MYEF2: variants seen among roughly 807,000 people sequenced by gnomAD.
MYEF2 encodes the protein myelin gene expression factor 2.
A neutral mutation model predicts 75.2 loss-of-function variants in MYEF2; 37 were observed. That is an observed-to-expected ratio of 0.49 (90% CI 0.38 to 0.65). The LOEUF (loss-of-function observed/expected upper bound fraction) is 0.65, where lower values mean the gene tolerates loss of function less well. Among genes scored for constraint, MYEF2 ranks in the 30% least tolerant of loss-of-function variants. The pLI, the probability that MYEF2 is intolerant of heterozygous loss-of-function variation, is 0.00. For synonymous variants in MYEF2, 195 were observed against 241.6 expected (o/e 0.81, Z 1.79); for missense variants, 634 against 771.4 (o/e 0.82, Z 2.11).
rs1039209584 is a variant in MYEF2 at position 48,152,089 on chromosome 15, G to T, written c.1138+145C>A. On this transcript the variant is annotated intron_variant, in intron 11 of 16. Transcript: ENST00000324324. Reference sequence around the variant, plus strand: ...TAACACATCACCTTCCTTTAAGTATGTACCAGGCTCAATTTCTGCTAGCAG... The same window carrying T: ...TAACACATCACCTTCCTTTAAGTATTTACCAGGCTCAATTTCTGCTAGCAG... The T allele has an allele frequency of 2.4e-5, 27 of 1,142,326 alleles. No individual in the cohort carries two copies. In the African/African-American group the frequency reaches 4.0e-4, roughly 17 times the overall value. 70.8% of individuals were successfully genotyped at this position (1,142,326 alleles called of 1,614,324 possible). A position where few individuals can be genotyped will look rare whatever the true frequency, so the allele number is the denominator to read the frequency against.
Position 48,139,038 on chromosome 15 carries a change from T to C in MYEF2, c.*3870A>G, listed in dbSNP as rs2038974054. The C allele has an allele frequency of 1.9e-6, 3 of 1,613,150 alleles. No homozygotes were observed. Among genetic ancestry groups the C allele is most frequent in the Non-Finnish European group, 2.5e-6 (3 of 1,179,324 alleles). On this transcript the variant is annotated 3_prime_UTR_variant, in exon 17 of 17. Transcript: ENST00000324324. ...ATTTTTTGGGTATTATCCCTTCCTA[T>C]TATTACATTACTTTTTCTAACCACA...
At position 48,136,447 on chromosome 15, in the gene MYEF2, G is replaced by A. The variant is rs2038901337; in HGVS notation, c.*6461C>T. The A allele has an allele frequency of 2.8e-6, 1 of 353,092 alleles. No individual in the cohort carries two copies. The highest frequency in any genetic ancestry group is 5.0e-6 in the Non-Finnish European group (1 of 199,858). The allele number at this position is 353,092 out of a possible 1,614,324, so 21.9% of individuals were successfully genotyped here. On this transcript the variant is annotated 3_prime_UTR_variant, in exon 17 of 17. Coordinates refer to ENST00000324324, the MANE Select transcript of MYEF2 (RefSeq NM_016132.5). ...GGAATCTACAAGTAAAAACGAGTTT[G>A]TTGATCTTGTTTTTAAAAAAAAAAA...
chr15:48,136,702 C>A lies in MYEF2; in HGVS notation c.*6206G>T, dbSNP rs755357663. On this transcript the variant is annotated 3_prime_UTR_variant, in exon 17 of 17. Coordinates refer to ENST00000324324, the MANE Select transcript of MYEF2 (RefSeq NM_016132.5). ...TTGTAGGTATGAAGGGGCTTTACTG[C>A]TTTTGATATATGGATTGTATGTTTT... The A allele has an allele frequency of 5.0e-6, 8 of 1,609,574 alleles. No homozygotes were observed. Among genetic ancestry groups the A allele is most frequent in the Non-Finnish European group, 6.8e-6 (8 of 1,177,560 alleles).
chr15:48,135,039 G>T lies in MYEF2; in HGVS notation c.*7869C>A, dbSNP rs1880918394. The T allele has an allele frequency of 5.1e-6, 7 of 1,383,694 alleles. No individual in the cohort carries two copies. The highest frequency in any genetic ancestry group is 7.1e-6 in the Non-Finnish European group (7 of 981,588). The allele number at this position is 1,383,694 out of a possible 1,614,324, so 85.7% of individuals were successfully genotyped here. A position where few individuals can be genotyped will look rare whatever the true frequency, so the allele number is the denominator to read the frequency against. ...ATTAGAGATTTTATGAATTTCTGAT[G>T]GTTCAGTAATTTTTTTTCAGAAATG... On this transcript the variant is annotated 3_prime_UTR_variant, in exon 17 of 17. Coordinates refer to ENST00000324324, the MANE Select transcript of MYEF2 (RefSeq NM_016132.5).
At chr15:48,151,437 A>C in intron 13 of MYEF2, 36 bp downstream of exon 13, 1 of 1,570,214 alleles carries the variant, frequency 6.4e-7, no homozygotes, top group Non-Finnish European at 8.8e-7. Flanking sequence ...ATTATAGCCT[A>C]CAAAAAGAAA....
rs142693670 is a variant in MYEF2, at chr15:48,158,785, T to C, written c.855A>G (p.Glu285=). The change falls in exon 7 of 17, where the codon GAA becomes GAG. Residue 285 remains glutamate, a synonymous_variant. Transcript: ENST00000324324. ...MGTVTFEQAI[E]AVQAISMFNG... ...TCAGGATACAAATTGCTTGAACTGC[T>C]TCAATTGCTTGCTCAAAAGTGACAG... 318 of 1,613,672 alleles carry C rather than the reference T, an allele frequency of 2.0e-4. No individual in the cohort carries two copies. In the African/African-American group the frequency reaches 3.6e-3, roughly 18 times the overall value.
chr15:48,178,295 T>C lies in MYEF2; in HGVS notation c.-58A>G, dbSNP rs1002180604. ...AGCTGAGGGGCTCCGAGCGCGACAA[T>C]GGCGGCTGCCGGGGAAGCGGTAACG... On this transcript the variant is annotated 5_prime_UTR_variant, in exon 1 of 17. Coordinates refer to ENST00000324324, the MANE Select transcript of MYEF2 (RefSeq NM_016132.5). 8.9e-6 allele frequency: 12 copies of C among 1,349,702 alleles called. No individual in the cohort carries two copies. Among genetic ancestry groups the C allele is most frequent in the African/African-American group, 4.6e-5 (3 of 64,646 alleles). 83.6% of individuals were successfully genotyped at this position (1,349,702 alleles called of 1,614,324 possible).
rs2039090113 is a variant in MYEF2, at chr15:48,141,605, A to C, written c.*1303T>G. ...AAAAAACAAAAACCAAAAAAAAAAA[A>C]AAAAGTTTACTTCCTCAGTAACATA... On this transcript the variant is annotated 3_prime_UTR_variant, in exon 17 of 17. Transcript: ENST00000324324. 1 of 162,470 alleles carries C rather than the reference A, an allele frequency of 6.2e-6. No individual in the cohort carries two copies. 10.1% of individuals were successfully genotyped at this position (162,470 alleles called of 1,614,324 possible). A position where few individuals can be genotyped will look rare whatever the true frequency, so the allele number is the denominator to read the frequency against.
intron 1 of MYEF2, among the ~76,000 whole-genome samples, chr15:48,175,675 T>C (rs147311869): frequency 2.9e-4 from 44 of 152,270 alleles, no homozygotes; most frequent in Non-Finnish European, 4.9e-4. Context: ...CACATTACCT[T>C]GCTCCAATGC....
chr15:48,142,389 G>T lies in MYEF2; in HGVS notation c.*519C>A. 1.5e-6 allele frequency: 2 copies of T among 1,321,272 alleles called. No individual in the cohort carries two copies. Among genetic ancestry groups the T allele is most frequent in the Middle Eastern group, 2.3e-4 (1 of 4,288 alleles). 81.8% of individuals were successfully genotyped at this position (1,321,272 alleles called of 1,614,324 possible). A position where few individuals can be genotyped will look rare whatever the true frequency, so the allele number is the denominator to read the frequency against. On this transcript the variant is annotated 3_prime_UTR_variant, in exon 17 of 17. Coordinates refer to ENST00000324324, the MANE Select transcript of MYEF2 (RefSeq NM_016132.5). ...TGTTATGCAGAAAATATGAATGGCA[G>T]GGAGGGGCAGAGAGAAAAATCCATT...
At chr15:48,165,493 A>G (rs564473017) in intron 5 of MYEF2, among the ~76,000 whole-genome samples, 88 of 152,206 alleles carry the variant, frequency 5.8e-4, no homozygotes, top group African/African-American at 2.1e-3. Flanking sequence ...TTAATCTAGT[A>G]CAGTTTCCAA....
chr15:48,166,202 G>A (rs2040127531), intron 3 of MYEF2, 74 bp from the exon 4 acceptor site: 1 of 1,200,096 alleles, frequency 8.3e-7, no homozygotes, highest in African/African-American at 1.5e-5. Context: ...TTAATAATCA[G>A]TTCTAACATT....
chr15:48,169,474 T>G (rs960526434), intron 1 of MYEF2, among the ~76,000 whole-genome samples: 4 of 152,214 alleles, frequency 2.6e-5, no homozygotes, highest in African/African-American at 9.6e-5. Flanking sequence ...ATGTTACATT[T>G]TAACCTATAA....
rs1382566336 is a variant in MYEF2 at position 48,142,838 on chromosome 15, T to C, written c.*70A>G. The C allele has an allele frequency of 7.0e-7, 1 of 1,438,034 alleles. No homozygotes were observed. The highest frequency in any genetic ancestry group is 9.4e-7 in the Non-Finnish European group (1 of 1,067,156). 89.1% of individuals were successfully genotyped at this position (1,438,034 alleles called of 1,614,324 possible). Reference sequence around the variant, plus strand: ...AGCTTTTGTAAGCATACAATATTACTTTAAAAAAATGACTTTTACTAGGAG... The same window carrying C: ...AGCTTTTGTAAGCATACAATATTACCTTAAAAAAATGACTTTTACTAGGAG... On this transcript the variant is annotated 3_prime_UTR_variant, in exon 17 of 17. Transcript: ENST00000324324.
Position 48,141,292 on chromosome 15 carries a change from C to A in MYEF2, c.*1616G>T. 1 of 1,246,404 alleles carries A rather than the reference C, an allele frequency of 8.0e-7. No individual in the cohort carries two copies. Among genetic ancestry groups the A allele is most frequent in the Non-Finnish European group, 1.2e-6 (1 of 864,222 alleles). 77.2% of individuals were successfully genotyped at this position (1,246,404 alleles called of 1,614,324 possible). On this transcript the variant is annotated 3_prime_UTR_variant, in exon 17 of 17. Coordinates refer to ENST00000324324, the MANE Select transcript of MYEF2 (RefSeq NM_016132.5). ...GTAAAAGTAGCTTTAAAAATGTTTA[C>A]TTCCAGCCGGGTGTGGTGGCTCGCG... is the stretch of plus-strand genomic sequence containing the variant.
chr15:48,134,750 C>T lies in MYEF2; in HGVS notation c.*8158G>A. ...CTGTGTAAGTTAGAACACAATTTTA[C>T]ATTTTTTTCTCTAAGCAATATGCAA... On this transcript the variant is annotated 3_prime_UTR_variant, in exon 17 of 17. Coordinates refer to ENST00000324324, the MANE Select transcript of MYEF2 (RefSeq NM_016132.5). 1.2e-6 allele frequency: 1 copy of T among 804,622 alleles called. No homozygotes were observed. The highest frequency in any genetic ancestry group is 1.9e-6 in the Non-Finnish European group (1 of 518,496). 49.8% of individuals were successfully genotyped at this position (804,622 alleles called of 1,614,324 possible).
intron 9 of MYEF2, among the ~76,000 whole-genome samples, chr15:48,154,855 A>G (rs1377475287): frequency 6.6e-6 from 1 of 152,078 alleles, no homozygotes; most frequent in African/African-American, 2.4e-5. Context: ...AAAAAATAGT[A>G]CAGAACTAAT....
chr15:48,157,771 G>T, intron 9 of MYEF2: 1 of 1,281,992 alleles, frequency 7.8e-7, no homozygotes, highest in Non-Finnish European at 9.9e-7. Flanking sequence ...AGAATGTATT[G>T]CTGATTAGTC....
chr15:48,175,880 T>C (rs1212057221), intron 1 of MYEF2, among the ~76,000 whole-genome samples: 1 of 152,098 alleles, frequency 6.6e-6, no homozygotes, highest in Non-Finnish European at 1.5e-5. Context: ...TTTCTAAAGG[T>C]GTGAATATGC....
Sources: gnomAD v4.1 joint callset for allele counts (sites outside exome capture counted in the v4.1 genomes callset) on GRCh38, gnomAD v4.1.1 for gene constraint, MANE v1.5 for transcripts, NCBI Gene and HGNC (gene_info 2026-07-23, HGNC 2026-07-21) for gene names.